Variants in AGO3 observed in about 807,000 individuals in gnomAD.
AGO3 encodes the protein protein argonaute-3.
AGO3 carries 16 observed loss-of-function variants against 105.5 expected under a neutral mutation model. That is an observed-to-expected ratio of 0.15 (90% CI 0.10 to 0.23). The LOEUF is 0.23. Ranked by LOEUF, AGO3 falls within the 10% of genes least tolerant of loss-of-function variation. AGO3 has a pLI of 1.00. For missense variants in AGO3, 534 were observed against 1,088.0 expected, an observed-to-expected ratio of 0.49 and a Z score of 7.16; for synonymous variants, 340 against 367.3, an observed-to-expected ratio of 0.93 and a Z score of 0.85.
rs564688565 is a variant in AGO3 at position 36,063,910 on chromosome 1, A to T, written c.*8165A>T. The T allele has an allele frequency of 4.6e-5, 7 of 152,176 alleles. No individual in the cohort carries two copies. The highest frequency in any genetic ancestry group is 2.1e-4 in the South Asian group (1 of 4,822). 9.4% of individuals were successfully genotyped at this position (152,176 alleles called of 1,614,324 possible). ...ACTACTCACATGCGCCACCATGCCC[A>T]GCTAATGGTTTTTTTCTTTAGAGAT... is the stretch of plus-strand genomic sequence containing the variant. On this transcript the variant is annotated 3_prime_UTR_variant, in exon 19 of 19. Transcript: ENST00000373191.
chr1:35,943,822 A>C (rs1646305095), intron 1 of AGO3, among the ~76,000 whole-genome samples: 2 of 151,328 alleles, frequency 1.3e-5, no homozygotes, highest in Admixed American at 1.3e-4. Context: ...GCTGGTCTTA[A>C]ACTCCTGAGC....
chr1:36,043,277 A>G, intron 16 of AGO3, 170 bp from the exon 17 acceptor site: 1 of 586,608 alleles, frequency 1.7e-6, no homozygotes, highest in South Asian at 2.3e-5. Context: ...ACATGTAAGA[A>G]TAGGAACTAG....
chr1:35,931,567 C>G (rs1342270202), intron 1 of AGO3, 122 bp downstream of exon 1: 1 of 1,100,580 alleles, frequency 9.1e-7, no homozygotes, highest in Non-Finnish European at 1.2e-6. Flanking sequence ...CGCTCGGTCT[C>G]CCGCCCCTCG....
chr1:36,010,374 C>CG (rs1640544304), intron 9 of AGO3, among the ~76,000 whole-genome samples: 1 of 151,812 alleles, frequency 6.6e-6, no homozygotes, highest in Non-Finnish European at 1.5e-5. Context: ...GAGGCCAAGG[C>CG]GGGTGGATCA....
Position 35,945,698 on chromosome 1 carries a change from C to T in AGO3, c.26C>T (p.Ala9Val). ...TTTCCCTTTCCCCTGGCAGGACCCG[C>T]TGGGGCCCAGCCCCTACTCATGGTG... MEIGSAGP[A>V]GAQPLLMVPR... The change falls in exon 2 of 19, where the codon GCT becomes GTT. Residue 9 changes from alanine (A) to valine (V), a missense_variant. Coordinates refer to ENST00000373191, the MANE Select transcript of AGO3 (RefSeq NM_024852.4). 1 of 1,611,294 alleles carries T rather than the reference C, an allele frequency of 6.2e-7. No homozygotes were observed. Among genetic ancestry groups the T allele is most frequent in the Non-Finnish European group, 8.5e-7 (1 of 1,179,526 alleles).
intron 2 of AGO3, among the ~76,000 whole-genome samples, chr1:35,956,232 A>G (rs1402104112): frequency 2.6e-5 from 4 of 152,214 alleles, no homozygotes; most frequent in African/African-American, 7.2e-5. Context: ...AGGAAAGGAT[A>G]GAGATAAGAA....
chr1:35,988,081 A>G lies in AGO3; in HGVS notation c.658+14570A>G, dbSNP rs560558337. 2.6e-5 allele frequency among the ~76,000 whole-genome samples: 4 copies of G among 152,136 alleles called. No individual in the cohort carries two copies. The South Asian group carries it at 8.3e-4, about 32-fold the overall frequency. On this transcript the variant is annotated intron_variant, in intron 5 of 18. Coordinates refer to ENST00000373191, the MANE Select transcript of AGO3 (RefSeq NM_024852.4). ...AGACTCTGTCTCAAAGAAGAAAAAA[A>G]AGAAAAAGACCTATGGTAACTTAAT... is the stretch of plus-strand genomic sequence containing the variant.
intron 11 of AGO3, among the ~76,000 whole-genome samples, chr1:36,022,441 G>T (rs1272472708): frequency 6.6e-6 from 1 of 152,152 alleles, no homozygotes; most frequent in East Asian, 1.9e-4. Flanking sequence ...CATAAAGTGA[G>T]ATTTCACCAT....
Position 35,949,103 on chromosome 1 carries a change from C to T in AGO3, c.191+3240C>T, listed in dbSNP as rs147187479. On this transcript the variant is annotated intron_variant, in intron 2 of 18. Transcript: ENST00000373191. ...GAATTACAGGCATGTGCCATCATGCCCAGCTAATTTTGTATTATTAGTAGA... is the reference window on the plus strand; with the variant it reads ...GAATTACAGGCATGTGCCATCATGCTCAGCTAATTTTGTATTATTAGTAGA... 4.3e-3 allele frequency among the ~76,000 whole-genome samples: 653 copies of T among 152,138 alleles called. 9 individuals are homozygous for T. The highest frequency in any genetic ancestry group is 0.015 in the African/African-American group (613 of 41,492).
chr1:35,981,441 G>A (rs940221099), intron 5 of AGO3, among the ~76,000 whole-genome samples: 2 of 152,070 alleles, frequency 1.3e-5, no homozygotes, highest in Admixed American at 1.3e-4. Flanking sequence ...CATCTCCTAT[G>A]CCTCTCAGTA....
At chr1:36,010,938 A>G (rs1569767380) in intron 9 of AGO3, among the ~76,000 whole-genome samples, 6 of 137,558 alleles carry the variant, frequency 4.4e-5, no homozygotes, top group Middle Eastern at 3.6e-3. Context: ...AGAGGGAGGG[A>G]GGGAGGGAAA....
chr1:36,021,201 G>A (rs1451920771), intron 11 of AGO3, among the ~76,000 whole-genome samples: 1 of 152,126 alleles, frequency 6.6e-6, no homozygotes, highest in Non-Finnish European at 1.5e-5. Context: ...CAAAATGCTA[G>A]GATTACAGGC....
chr1:35,952,974 G>A (rs960880962), intron 2 of AGO3, among the ~76,000 whole-genome samples: 2 of 152,152 alleles, frequency 1.3e-5, no homozygotes, highest in African/African-American at 4.8e-5. Context: ...CATTTGGGTT[G>A]TTGCCATTTT....
At chr1:36,020,088 C>T (rs1641137107) in intron 11 of AGO3, among the ~76,000 whole-genome samples, 1 of 152,078 alleles carries the variant, frequency 6.6e-6, no homozygotes, top group African/African-American at 2.4e-5. Flanking sequence ...TACATTTTAT[C>T]TCTTCCTTGA....
intron 11 of AGO3, among the ~76,000 whole-genome samples, chr1:36,024,911 T>A (rs1641428616): frequency 6.6e-6 from 1 of 152,176 alleles, no homozygotes; most frequent in South Asian, 2.1e-4. Context: ...CTGGCCTTTT[T>A]AACCTGTTTC....
intron 6 of AGO3, among the ~76,000 whole-genome samples, chr1:36,006,022 A>G (rs886415669): frequency 2.6e-5 from 4 of 151,914 alleles, no homozygotes; most frequent in Non-Finnish European, 5.9e-5. Flanking sequence ...TTAGGTATTT[A>G]TGATCCTAGT....
chr1:36,001,730 A>G (rs1317070259), intron 5 of AGO3, among the ~76,000 whole-genome samples: 2 of 152,148 alleles, frequency 1.3e-5, no homozygotes, highest in African/African-American at 2.4e-5. Context: ...GTAAATTAGT[A>G]TTTTTGTTTT....
intron 5 of AGO3, among the ~76,000 whole-genome samples, chr1:35,986,312 G>C (rs754880448): frequency 6.6e-6 from 1 of 152,200 alleles, no homozygotes; most frequent in African/African-American, 2.4e-5. Context: ...TAAACAGCAC[G>C]TAAATAGTTA....
chr1:36,029,464 G>A (rs1473834448), intron 12 of AGO3, among the ~76,000 whole-genome samples: 5 of 143,662 alleles, frequency 3.5e-5, no homozygotes, highest in Admixed American at 1.5e-4. Flanking sequence ...GTGCGATCTC[G>A]GCTCACTGCA....
Sources: gnomAD v4.1 joint callset for allele counts (sites outside exome capture counted in the v4.1 genomes callset) on GRCh38, gnomAD v4.1.1 for gene constraint, MANE v1.5 for transcripts, NCBI Gene and HGNC (gene_info 2026-07-23, HGNC 2026-07-21) for gene names.